The following HMGXB3 variants were observed in gnomAD, a reference collection of about 807,000 sequenced individuals.
HMGXB3 encodes HMG-box containing 3.
A neutral mutation model predicts 121.5 loss-of-function variants in HMGXB3; 45 were observed. The ratio of observed to expected loss-of-function variants is 0.37; its 90% CI spans 0.29 to 0.47. The LOEUF is 0.47. HMGXB3 is among the 20% of genes least tolerant of loss of function. The probability of loss-of-function intolerance (pLI) is 0.99; values close to 1 mark genes in which losing one functional copy is unlikely to be tolerated. For missense variants in HMGXB3, 1,376 were observed against 1,602.2 expected (o/e 0.86, Z 2.41); for synonymous variants, 590 against 624.1 (o/e 0.95, Z 0.81).
rs567799669 is a variant in HMGXB3, at chr5:150,001,136, G to C, written c.-46G>C. 1 of 153,900 alleles carries C rather than the reference G, an allele frequency of 6.5e-6. No homozygotes were observed. The highest frequency in any genetic ancestry group is 2.0e-4 in the South Asian group (1 of 4,882). 9.5% of individuals were successfully genotyped at this position (153,900 alleles called of 1,614,324 possible). On this transcript the variant is annotated 5_prime_UTR_variant, in exon 1 of 20. Transcript: ENST00000502717. The stretch of plus-strand genomic sequence containing the variant: ...CCCCCTCGTCCAGCCGCCGGGCCAA[G>C]CGCCTCCGGGAATGTGAGCGGCGCA...
chr5:150,048,565 C>G lies in HMGXB3; in HGVS notation c.3085-4C>G. The stretch of plus-strand genomic sequence containing the variant: ...ATGTTTTTAATCTTGTCCTTCTACT[C>G]CAGGACCAGCTCTGCTTCTCCTTGT... On this transcript the variant is annotated splice_region_variant and splice_polypyrimidine_tract_variant and intron_variant, in intron 17 of 19. Coordinates refer to ENST00000502717, the MANE Select transcript of HMGXB3 (RefSeq NM_014983.3). 1 of 1,544,836 alleles carries G rather than the reference C, an allele frequency of 6.5e-7. No individual in the cohort carries two copies. The highest frequency in any genetic ancestry group is 8.8e-7 in the Non-Finnish European group (1 of 1,140,408).
intron 5 of HMGXB3, chr5:150,015,231 C>A: frequency 4.8e-6 from 1 of 208,848 alleles, no homozygotes. Flanking sequence ...CTCATTTGTT[C>A]TTTTTCTAGT....
intron 3 of HMGXB3, among the ~76,000 whole-genome samples, chr5:150,007,916 G>A (rs1755738133): frequency 6.6e-6 from 1 of 152,068 alleles, no homozygotes; most frequent in Non-Finnish European, 1.5e-5. Flanking sequence ...GATTAGCCAG[G>A]CGTGGTGGCA....
intron 16 of HMGXB3, 121 bp from the exon 17 acceptor site, chr5:150,047,503 C>T (rs1756785257): frequency 1.7e-6 from 2 of 1,184,912 alleles, no homozygotes; most frequent in Non-Finnish European, 2.4e-6. Context: ...TCCACCTCTG[C>T]CAGCACTGGG....
intron 16 of HMGXB3, among the ~76,000 whole-genome samples, chr5:150,046,464 A>G (rs969874772): frequency 3.3e-5 from 5 of 152,166 alleles, no homozygotes; most frequent in African/African-American, 1.2e-4. Context: ...CTCAATTGAT[A>G]TTGTAATCAC....
intron 3 of HMGXB3, among the ~76,000 whole-genome samples, chr5:150,008,795 C>G (rs973230631): frequency 6.6e-6 from 1 of 152,214 alleles, no homozygotes; most frequent in Non-Finnish European, 1.5e-5. Flanking sequence ...TAGTCTTGTT[C>G]TCCTAACATG....
chr5:150,013,042 T>C (rs1430244925), intron 5 of HMGXB3, among the ~76,000 whole-genome samples: 1 of 152,256 alleles, frequency 6.6e-6, no homozygotes, highest in East Asian at 1.9e-4. Context: ...CTACAAGTAA[T>C]GACAGTTTTA....
chr5:150,027,320 A>T (rs934799869), intron 9 of HMGXB3, among the ~76,000 whole-genome samples: 6 of 152,252 alleles, frequency 3.9e-5, no homozygotes, highest in Admixed American at 3.9e-4. Context: ...TTACTTAGAA[A>T]TAATTTATAA....
intron 1 of HMGXB3, among the ~76,000 whole-genome samples, chr5:150,004,113 A>G (rs1755642521): frequency 6.6e-6 from 1 of 151,726 alleles, no homozygotes; most frequent in Non-Finnish European, 1.5e-5. Flanking sequence ...GCCTCAAGCA[A>G]CCCTCCCATC....
At chr5:150,002,888 A>G (rs1755611362) in intron 1 of HMGXB3, among the ~76,000 whole-genome samples, 1 of 152,212 alleles carries the variant, frequency 6.6e-6, no homozygotes, top group African/African-American at 2.4e-5. Context: ...CATGCCTGTA[A>G]TCCCAGCACT....
intron 16 of HMGXB3, among the ~76,000 whole-genome samples, chr5:150,045,911 C>T (rs1248443033): frequency 6.6e-6 from 1 of 152,216 alleles, no homozygotes; most frequent in African/African-American, 2.4e-5. Context: ...GCGCACAGCT[C>T]ATTGTCAGCC....
chr5:150,008,094 C>CAT (rs57253388), intron 3 of HMGXB3, among the ~76,000 whole-genome samples: 5,109 of 147,692 alleles, frequency 0.035, 231 homozygotes, highest in African/African-American at 0.096. Flanking sequence ...CACACACACA[C>CAT]ACACAAATCA....
At position 150,051,854 on chromosome 5, in the gene HMGXB3, C is replaced by T. The variant is rs1455478097; in HGVS notation, c.3541C>T (p.Pro1181Ser). 6.4e-7 allele frequency: 1 copy of T among 1,550,956 alleles called. No individual in the cohort carries two copies. Among genetic ancestry groups the T allele is most frequent in the Non-Finnish European group, 8.7e-7 (1 of 1,147,082 alleles). Residue 1181 changes from proline to serine, a missense_variant, in exon 20 of 20, where the codon CCT becomes TCT. Pro to Ser is a moderately conservative substitution (Grantham distance 74). Transcript: ENST00000502717. ...CGTCCATGCAGGCCTACAGCCCAAT[C>T]CTGGTGACCCCAGTGCTGGGCACCA... ...RIVHAGLQPN[P>S]GDPSAGHHSL...
intron 3 of HMGXB3, among the ~76,000 whole-genome samples, chr5:150,009,247 G>A (rs965969275): frequency 6.6e-6 from 1 of 152,124 alleles, no homozygotes; most frequent in East Asian, 1.9e-4. Context: ...CAGCTTTACT[G>A]TTTACTAATT....
chr5:150,039,597 AT>A (rs1756579181), intron 13 of HMGXB3, among the ~76,000 whole-genome samples: 1 of 151,778 alleles, frequency 6.6e-6, no homozygotes, highest in African/African-American at 2.4e-5. Flanking sequence ...GTTTTTTTCT[AT>A]AGTAAATTTC....
intron 9 of HMGXB3, 126 bp downstream of exon 9, chr5:150,027,243 C>A: frequency 1.7e-6 from 1 of 599,878 alleles, no homozygotes; most frequent in Non-Finnish European, 2.8e-6. Context: ...TGGAGGTTAA[C>A]ATGAATGATT....
chr5:150,012,167 A>T lies in HMGXB3; in HGVS notation c.811-88A>T, dbSNP rs1755855034. On this transcript the variant is annotated intron_variant, in intron 4 of 19. Coordinates refer to ENST00000502717, the MANE Select transcript of HMGXB3 (RefSeq NM_014983.3). ...GGATGAGTACACTGTCTGTTATTAA[A>T]CTTAATCCAGGCTTCCAGTGTTGAG... The T allele has an allele frequency of 3.5e-6, 3 of 864,332 alleles. No homozygotes were observed. The South Asian group carries it at 4.3e-5, about 12-fold the overall frequency. The allele number at this position is 864,332 out of a possible 1,614,324, so 53.5% of individuals were successfully genotyped here.
chr5:150,032,419 T>G (rs1581259537), intron 10 of HMGXB3, 35 bp from the exon 11 acceptor site: 1 of 1,540,702 alleles, frequency 6.5e-7, no homozygotes, highest in Non-Finnish European at 8.8e-7. Flanking sequence ...TTAACTTAAT[T>G]TTTGTAGAAT....
At position 150,043,173 on chromosome 5, in the gene HMGXB3, G is replaced by A. The variant is rs75281026; in HGVS notation, c.2730+1204G>A. 3.4e-4 allele frequency among the ~76,000 whole-genome samples: 51 copies of A among 152,220 alleles called. No homozygotes were observed. In the East Asian group the frequency reaches 9.5e-3, roughly 28 times the overall value. On this transcript the variant is annotated intron_variant, in intron 15 of 19. Transcript: ENST00000502717. ...TGGGGAAAAAAAAGTTGTCCAGTAT[G>A]ATTCTACACCCATATTTATGATAAA...
Sources: allele counts gnomAD v4.1 joint callset (sites outside exome capture counted in the v4.1 genomes callset), GRCh38; gene constraint gnomAD v4.1.1; transcripts MANE v1.5; gene names NCBI Gene and HGNC (gene_info 2026-07-23, HGNC 2026-07-21).